Variants in ST6GALNAC3 observed in about 807,000 individuals in gnomAD.
ST6GALNAC3 encodes ST6 N-acetylgalactosaminide alpha-2,6-sialyltransferase 3.
Under a neutral mutation model 32.7 loss-of-function variants are expected in ST6GALNAC3, and 25 were observed. That is an observed-to-expected ratio of 0.76 (90% confidence interval 0.56 to 1.07). The LOEUF is 1.07. Among genes scored for constraint, ST6GALNAC3 ranks in the 50% least tolerant of loss-of-function variants. The pLI is 0.00. For synonymous variants in ST6GALNAC3, 129 were observed against 133.1 expected (o/e 0.97, Z 0.21); for missense variants, 355 against 382.4 (o/e 0.93, Z 0.60).
intron 1 of ST6GALNAC3, among the ~76,000 whole-genome samples, chr1:76,208,441 A>G (rs1218070511): frequency 1.3e-5 from 2 of 152,246 alleles, no homozygotes; most frequent in Non-Finnish European, 2.9e-5. Context: ...TGGATCCAGT[A>G]GGTCACAGCT....
intron 2 of ST6GALNAC3, among the ~76,000 whole-genome samples, chr1:76,382,735 A>C (rs893815825): frequency 2.6e-5 from 4 of 152,208 alleles, no homozygotes; most frequent in African/African-American, 9.6e-5. Flanking sequence ...AGGGATTATA[A>C]ATAAAAAGGA....
chr1:76,086,309 A>G (rs1646963722), intron 1 of ST6GALNAC3, among the ~76,000 whole-genome samples: 1 of 152,212 alleles, frequency 6.6e-6, no homozygotes, highest in Admixed American at 6.5e-5. Flanking sequence ...TTAAAAAGTC[A>G]TTATTTAAGG....
At position 76,509,784 on chromosome 1, in the gene ST6GALNAC3, TCA is replaced by T. The variant is rs1038948868; in HGVS notation, c.623+97370_623+97371del. Among the ~76,000 whole-genome samples the T allele has an allele frequency of 1.3e-5, 2 of 152,180 alleles. No homozygotes were observed. The highest frequency in any genetic ancestry group is 4.8e-5 in the African/African-American group (2 of 41,450). Reference sequence around the variant, plus strand: ...ACTCCACCAATTTCTGCTTCCATTCTCACATATCTTTTCCTCACATTGCTGTT... The same window carrying T: ...ACTCCACCAATTTCTGCTTCCATTCTCATATCTTTTCCTCACATTGCTGTT... On this transcript the variant is annotated intron_variant, in intron 3 of 4. Transcript: ENST00000328299. This position sits in a 1 kb window ranked among gnomAD's most constrained non-coding sequence, Gnocchi z 5.5.
At position 76,630,898 on chromosome 1, in the gene ST6GALNAC3, T is replaced by G. The variant is rs1170074265; in HGVS notation, c.*2092T>G. The G allele has an allele frequency of 8.1e-6, 8 of 985,660 alleles. No homozygotes were observed. The highest frequency in any genetic ancestry group is 8.4e-6 in the Non-Finnish European group (7 of 829,840). The allele number at this position is 985,660 out of a possible 1,614,324, so 61.1% of individuals were successfully genotyped here. A position where few individuals can be genotyped will look rare whatever the true frequency, so the allele number is the denominator to read the frequency against. On this transcript the variant is annotated 3_prime_UTR_variant, in exon 5 of 5. Coordinates refer to ENST00000328299, the MANE Select transcript of ST6GALNAC3 (RefSeq NM_152996.4). Reference sequence around the variant, plus strand: ...ATGTTAAAATTGCCATACAGACTGTTTTTCCCCCTGTTGTTTCACTTTAAA... The same window carrying G: ...ATGTTAAAATTGCCATACAGACTGTGTTTCCCCCTGTTGTTTCACTTTAAA...
At chr1:76,590,223 A>G (rs1647026673) in intron 3 of ST6GALNAC3, among the ~76,000 whole-genome samples, 1 of 152,198 alleles carries the variant, frequency 6.6e-6, no homozygotes, top group Admixed American at 6.5e-5. Context: ...CAGCTGCTCA[A>G]CGTGACCACA....
intron 3 of ST6GALNAC3, among the ~76,000 whole-genome samples, chr1:76,455,097 T>G (rs1657680154): frequency 1.3e-5 from 2 of 151,870 alleles, no homozygotes; most frequent in Non-Finnish European, 2.9e-5. Context: ...AATACTCATC[T>G]GTTAATTTTT....
rs576224061 is a variant in ST6GALNAC3 at position 76,595,868 on chromosome 1, A to G, written c.624-31584A>G. 4.3e-4 allele frequency among the ~76,000 whole-genome samples: 65 copies of G among 152,198 alleles called. 2 individuals are homozygous for G. Among genetic ancestry groups the G allele is most frequent in the African/African-American group, 1.2e-3 (51 of 41,556 alleles). ...ATAATGGCCCACTTGACTTAGGGCA[A>G]TGGGGGTGTCCTGTAGTTGTTTATT... On this transcript the variant is annotated intron_variant, in intron 3 of 4. Coordinates refer to ENST00000328299, the MANE Select transcript of ST6GALNAC3 (RefSeq NM_152996.4).
At chr1:76,624,766 C>A (rs555251002) in intron 3 of ST6GALNAC3, among the ~76,000 whole-genome samples, 22 of 151,938 alleles carry the variant, frequency 1.4e-4, no homozygotes, top group Non-Finnish European at 2.5e-4. Flanking sequence ...TCATGGAGTT[C>A]TCCCCACAAA....
At chr1:76,622,316 G>A (rs1325138168) in intron 3 of ST6GALNAC3, among the ~76,000 whole-genome samples, 1 of 151,958 alleles carries the variant, frequency 6.6e-6, no homozygotes, top group Non-Finnish European at 1.5e-5. Context: ...TTGGGTCTAG[G>A]CCTACTGAGT....
At chr1:76,618,303 C>A (rs915864730) in intron 3 of ST6GALNAC3, among the ~76,000 whole-genome samples, 1 of 152,106 alleles carries the variant, frequency 6.6e-6, no homozygotes, top group African/African-American at 2.4e-5. Flanking sequence ...ACACTGGGAG[C>A]AGTGGCCAAG....
chr1:76,202,267 C>CGTGTGTGTGTGTGT lies in ST6GALNAC3; in HGVS notation c.19-111538_19-111537insGTGTGTGTGTGTGT, dbSNP rs1009699009. Among the ~76,000 whole-genome samples, 56 of 96,876 alleles carry CGTGTGTGTGTGTGT rather than the reference C, an allele frequency of 5.8e-4. 1 individual carries two copies. In the East Asian group the frequency reaches 0.017, roughly 30 times the overall value. 63.6% of individuals were successfully genotyped at this position (96,876 alleles called of 152,430 possible). ...TGTGGGTGGAGAGTGTGTGTGCATGCATGTGTGTGTGTGTGTGTGTGTGTG... is the reference window on the plus strand; with the variant it reads ...TGTGGGTGGAGAGTGTGTGTGCATGCGTGTGTGTGTGTGTATGTGTGTGTGTGTGTGTGTGTGTG... On this transcript the variant is annotated intron_variant, in intron 1 of 4. Transcript: ENST00000328299.
intron 1 of ST6GALNAC3, among the ~76,000 whole-genome samples, chr1:76,219,215 T>C (rs937897271): frequency 6.6e-6 from 1 of 152,208 alleles, no homozygotes; most frequent in African/African-American, 2.4e-5. Context: ...GCATATAACA[T>C]ATGCTCACAC....
chr1:76,270,295 T>C (rs1219539031), intron 1 of ST6GALNAC3, among the ~76,000 whole-genome samples: 1 of 151,900 alleles, frequency 6.6e-6, no homozygotes, highest in African/African-American at 2.4e-5. Flanking sequence ...TCCCCTGAGG[T>C]CAGGAGTTCA....
At chr1:76,576,286 G>A (rs1646805871) in intron 3 of ST6GALNAC3, among the ~76,000 whole-genome samples, 1 of 152,028 alleles carries the variant, frequency 6.6e-6, no homozygotes, top group Non-Finnish European at 1.5e-5. Context: ...CACAGAGAAA[G>A]GCCAAAGGGT....
chr1:76,476,278 A>G (rs1659348998), intron 3 of ST6GALNAC3, among the ~76,000 whole-genome samples: 2 of 152,180 alleles, frequency 1.3e-5, no homozygotes, highest in Admixed American at 1.3e-4. Flanking sequence ...CAGGCCACAT[A>G]CGATCTCTAT....
intron 2 of ST6GALNAC3, among the ~76,000 whole-genome samples, chr1:76,362,470 C>A (rs1364521539): frequency 6.6e-6 from 1 of 152,138 alleles, no homozygotes; most frequent in Non-Finnish European, 1.5e-5. Context: ...AACAGTCCCC[C>A]AAAGTCTTAA....
chr1:76,105,333 C>T (rs1222215199), intron 1 of ST6GALNAC3, among the ~76,000 whole-genome samples: 1 of 152,202 alleles, frequency 6.6e-6, no homozygotes, highest in Non-Finnish European at 1.5e-5. Context: ...AGACTTCTGC[C>T]TTGGTTACTG....
At chr1:76,126,606 G>A (rs750878603) in intron 1 of ST6GALNAC3, among the ~76,000 whole-genome samples, 88 of 152,252 alleles carry the variant, frequency 5.8e-4, no homozygotes, top group Non-Finnish European at 3.1e-4. Flanking sequence ...TTTGCTCTGA[G>A]ACGCAGCACT....
intron 1 of ST6GALNAC3, among the ~76,000 whole-genome samples, chr1:76,077,627 A>C (rs989440141): frequency 6.6e-6 from 1 of 152,146 alleles, no homozygotes; most frequent in Non-Finnish European, 1.5e-5. Flanking sequence ...GGGAAAACTA[A>C]TGGAAAATAG....
Sources: gnomAD v4.1 joint callset for allele counts (sites outside exome capture counted in the v4.1 genomes callset) on GRCh38, gnomAD v4.1.1 for gene constraint, Gnocchi (gnomAD v3.1) non-coding constraint, MANE v1.5 for transcripts, NCBI Gene and HGNC (gene_info 2026-07-23, HGNC 2026-07-21) for gene names.